Variants in NBPF14 observed in about 807,000 individuals in gnomAD.
NBPF14 encodes the protein NBPF member 14.
NBPF14 carries 104 observed loss-of-function variants against 91.2 expected under a neutral mutation model. That is an observed-to-expected ratio of 1.14 (90% CI 0.97 to 1.34). NBPF14 has a LOEUF of 1.34. NBPF14 is among the 40% of genes most tolerant of loss of function. The pLI, the probability that NBPF14 is intolerant of heterozygous loss-of-function variation, is 0.00. For synonymous variants in NBPF14, 294 were observed against 303.8 expected (o/e 0.97, Z 0.34); for missense variants, 908 against 783.0 (o/e 1.16, Z -1.91).
chr1:148,560,120 A>G (rs1657490621), intron 36 of NBPF14, among the ~76,000 whole-genome samples, 155 bp from the exon 37 acceptor site: 1 of 150,732 alleles, frequency 6.6e-6, no homozygotes, highest in Admixed American at 6.6e-5. Flanking sequence ...GTTGGGATAG[A>G]ACAGGGCCAG....
In NBPF14 at chr1:148,577,436, T is replaced by G. The variant is rs1446282274; in HGVS notation, c.1854-81A>C. 4 of 665,132 alleles carry G rather than the reference T, an allele frequency of 6.0e-6. No individual in the cohort carries two copies. In the African/African-American group the frequency reaches 7.3e-5, roughly 12 times the overall value. The allele number at this position is 665,132 out of a possible 1,614,324, so 41.2% of individuals were successfully genotyped here. A position where few individuals can be genotyped will look rare whatever the true frequency, so the allele number is the denominator to read the frequency against. On this transcript the variant is annotated intron_variant, in intron 14 of 70. Transcript: ENST00000619423. ...CCCCAGCTAGATTTCATGGCTAACG[T>G]AAGGAAGAGTTTGAAAAGAAAAAGG...
Position 148,577,878 on chromosome 1 carries a change from G to A in NBPF14, c.1853+105C>T, listed in dbSNP as rs1392576180. On this transcript the variant is annotated intron_variant, in intron 14 of 70. Transcript: ENST00000619423. The stretch of plus-strand genomic sequence containing the variant: ...AATGTAGTAGGCATAATTCAGACTT[G>A]TCTGACAAGACAAAATCATTATTTT... The A allele has an allele frequency of 1.2e-3, 750 of 603,352 alleles. 10 individuals are homozygous for A. In the East Asian group the frequency reaches 0.018, roughly 15 times the overall value. The allele number at this position is 603,352 out of a possible 1,614,324, so 37.4% of individuals were successfully genotyped here. A position where few individuals can be genotyped will look rare whatever the true frequency, so the allele number is the denominator to read the frequency against.
intron 39 of NBPF14, 122 bp from the exon 40 acceptor site, chr1:148,557,664 G>A (rs1656903604): frequency 4.9e-6 from 3 of 613,572 alleles, no homozygotes; most frequent in Admixed American, 4.7e-5. Context: ...GACCATGTGA[G>A]AGATATACTT....
chr1:148,590,979 AG>A lies in NBPF14; in HGVS notation c.567-12del, dbSNP rs1328631221. The stretch of plus-strand genomic sequence containing the variant: ...GCCTTCTGCACCTCCCTGATGAGCC[AG>A]GTGGGACAGAGATGACAGAAGATTA... On this transcript the variant is annotated splice_polypyrimidine_tract_variant and intron_variant, in intron 5 of 70. Transcript: ENST00000619423. 3.0e-6 allele frequency: 2 copies of A among 669,378 alleles called. No homozygotes were observed. The highest frequency in any genetic ancestry group is 3.8e-5 in the African/African-American group (2 of 53,306). 41.5% of individuals were successfully genotyped at this position (669,378 alleles called of 1,614,324 possible).
exon 71 of NBPF14, chr1:148,532,398 T>A (rs1456773696): frequency 9.8e-5 from 16 of 163,162 alleles, no homozygotes; most frequent in African/African-American, 3.4e-4. Flanking sequence ...CTCCCAATGC[T>A]GTTTGTCCAT....
intron 10 of NBPF14, 74 bp downstream of exon 10, chr1:148,585,067 C>A: frequency 2.4e-6 from 2 of 848,540 alleles, no homozygotes; most frequent in Admixed American, 1.7e-5. Context: ...ATCATAGATG[C>A]CAGAGAGGGT....
chr1:148,585,425 G>A (rs1661351339), intron 9 of NBPF14, among the ~76,000 whole-genome samples: 1 of 151,874 alleles, frequency 6.6e-6, no homozygotes, highest in African/African-American at 2.4e-5. Context: ...TCAACATGTG[G>A]CCAAATATTG....
intron 13 of NBPF14, among the ~76,000 whole-genome samples, chr1:148,578,251 A>T (rs1443562758): frequency 1.3e-5 from 2 of 151,044 alleles, no homozygotes; most frequent in Admixed American, 6.6e-5. Flanking sequence ...TTGGAATGTT[A>T]TCTTCCCTAT....
chr1:148,578,790 G>T (rs1183755097), intron 13 of NBPF14, among the ~76,000 whole-genome samples: 3 of 148,826 alleles, frequency 2.0e-5, no homozygotes, highest in African/African-American at 7.4e-5. Flanking sequence ...GTGCTACATA[G>T]TTTGGTGTGA....
At chr1:148,581,816 C>A in intron 12 of NBPF14, among the ~76,000 whole-genome samples, 1 of 150,338 alleles carries the variant, frequency 6.7e-6, no homozygotes, top group Middle Eastern at 3.4e-3. Context: ...CAAATTCACA[C>A]ATAACAATAT....
chr1:148,556,997 A>C, intron 40 of NBPF14, 135 bp from the exon 41 acceptor site: 1 of 199,000 alleles, frequency 5.0e-6, no homozygotes, highest in Non-Finnish European at 7.5e-6. Context: ...GTAACACATT[A>C]TTGCCTTCAT....
exon 71 of NBPF14, chr1:148,532,294 C>G (rs1422413910): frequency 6.5e-6 from 1 of 153,650 alleles, no homozygotes; most frequent in Non-Finnish European, 1.4e-5. Flanking sequence ...TCATATTCTG[C>G]ACCGGCAGAG....
rs587703851 is a variant in NBPF14, at chr1:148,533,242, G to A, written c.8730C>T (p.Asn2910=). Residue 2910 remains asparagine (N), a synonymous_variant, in exon 71 of 71, where the codon AAC becomes AAT. Coordinates refer to ENST00000619423, the Ensembl canonical transcript of NBPF14. ...GCTCTTCCACTTCCATCAGCACGCC[G>A]TTGAGCCTGGAAAAGGAGACAAAAC... 233 of 692,952 alleles carry A rather than the reference G, an allele frequency of 3.4e-4. 2 individuals carry two copies. The highest frequency in any genetic ancestry group is 3.2e-4 in the Non-Finnish European group (147 of 466,262). The allele number at this position is 692,952 out of a possible 1,614,324, so 42.9% of individuals were successfully genotyped here.
intron 59 of NBPF14, among the ~76,000 whole-genome samples, chr1:148,542,076 G>A (rs1232217170): frequency 2.1e-5 from 2 of 94,486 alleles, no homozygotes; most frequent in Non-Finnish European, 3.6e-5. Flanking sequence ...AATATCATTT[G>A]TCCCAAGTTT....
At chr1:148,578,941 T>A (rs1660504468) in intron 13 of NBPF14, 133 bp downstream of exon 13, 1 of 685,854 alleles carries the variant, frequency 1.5e-6, no homozygotes, top group African/African-American at 1.8e-5. Context: ...GTGACTGAAA[T>A]CTACATTGAT....
rs1417373850 is a variant in NBPF14, at chr1:148,539,261, C to G, written c.7882+149G>C. The G allele has an allele frequency of 8.2e-6, 5 of 608,078 alleles. 1 individual carries two copies. The South Asian group carries it at 8.5e-5, about 10-fold the overall frequency. The allele number at this position is 608,078 out of a possible 1,614,324, so 37.7% of individuals were successfully genotyped here. On this transcript the variant is annotated intron_variant, in intron 63 of 70. Coordinates refer to ENST00000619423, the Ensembl canonical transcript of NBPF14. Reference sequence around the variant, plus strand: ...TTCATGTCTAGGCTTCCAACTGAGACTACAGTTTCTTTACAACCTATATGC... The same window carrying G: ...TTCATGTCTAGGCTTCCAACTGAGAGTACAGTTTCTTTACAACCTATATGC...
rs1304535629 is a variant in NBPF14 at position 148,533,971 on chromosome 1, T to A, written c.8615-2A>T. 3 of 708,968 alleles carry A rather than the reference T, an allele frequency of 4.2e-6. No homozygotes were observed. Among genetic ancestry groups the A allele is most frequent in the African/African-American group, 3.6e-5 (2 of 55,560 alleles). The allele number at this position is 708,968 out of a possible 1,614,324, so 43.9% of individuals were successfully genotyped here. Reference sequence around the variant, plus strand: ...TCCCCTTCCCCTTCTTTTCAATTTCTGCAATAAATTCAGACATGGACAGAC... The same window carrying A: ...TCCCCTTCCCCTTCTTTTCAATTTCAGCAATAAATTCAGACATGGACAGAC... On this transcript the variant is annotated splice_acceptor_variant, in intron 69 of 70. Transcript: ENST00000619423. LOFTEE classifies it high-confidence loss of function.
exon 29 of NBPF14, chr1:148,566,197 T>A: frequency 1.8e-6 from 1 of 563,534 alleles, no homozygotes; most frequent in East Asian, 3.3e-5. Flanking sequence ...TAAAAGGAAC[T>A]TCCATAGGGC....
rs1183408341 is a variant in NBPF14, at chr1:148,566,542, A to AAC, written c.3543-229_3543-228dup. On this transcript the variant is annotated intron_variant, in intron 28 of 70. Coordinates refer to ENST00000619423, the Ensembl canonical transcript of NBPF14. ...ACACACACACACACACACACACACA[A>AAC]ACACACACACACACACAGAGAACGA... Among the ~76,000 whole-genome samples the AAC allele has an allele frequency of 1.3e-4, 12 of 91,014 alleles. 1 individual carries two copies. In the South Asian group the frequency reaches 1.5e-3, roughly 11 times the overall value. The allele number at this position is 91,014 out of a possible 152,430, so 59.7% of individuals were successfully genotyped here.
Sources: gnomAD v4.1 joint callset for allele counts (sites outside exome capture counted in the v4.1 genomes callset) on GRCh38, gnomAD v4.1.1 for gene constraint, MANE v1.5 for transcripts, NCBI Gene and HGNC (gene_info 2026-07-23, HGNC 2026-07-21) for gene names.